HBS1L: variants seen among roughly 807,000 people sequenced by gnomAD.
The protein encoded by HBS1L is HBS1 like translational GTPase, also known as HBS1-like protein.
A neutral mutation model predicts 88.9 loss-of-function variants in HBS1L; 55 were observed. The observed-to-expected ratio is 0.62, with a 90% CI of 0.50 to 0.77. HBS1L has a LOEUF of 0.77. Among genes scored for constraint, HBS1L ranks in the 30% least tolerant of loss-of-function variants. HBS1L has a pLI of 0.00. For missense variants in HBS1L, 741 were observed against 829.3 expected (o/e 0.89, Z 1.31); for synonymous variants, 267 against 288.5 (o/e 0.93, Z 0.76).
chr6:135,041,397 T>C (rs984588997), intron 3 of HBS1L, among the ~76,000 whole-genome samples: 3 of 151,468 alleles, frequency 2.0e-5, no homozygotes, highest in African/African-American at 4.8e-5. Flanking sequence ...TATTTATTTA[T>C]ACTTATAAAA....
At chr6:135,052,791 C>T (rs1210736084) in intron 1 of HBS1L, among the ~76,000 whole-genome samples, 1 of 152,040 alleles carries the variant, frequency 6.6e-6, no homozygotes, top group African/African-American at 2.4e-5. Flanking sequence ...ATTTTGCCTT[C>T]CTGAGACTTT....
intron 4 of HBS1L, chr6:135,037,053 C>A: frequency 6.4e-7 from 1 of 1,551,740 alleles, no homozygotes; most frequent in Non-Finnish European, 8.7e-7. Context: ...CTTTCTTAAT[C>A]TGAGAGTTGT....
intron 15 of HBS1L, 55 bp downstream of exon 15, chr6:134,978,624 A>C (rs1329918249): frequency 1.0e-6 from 1 of 971,024 alleles, no homozygotes; most frequent in African/African-American, 1.6e-5. Flanking sequence ...CACTTTTAGG[A>C]TAAAGTTACT....
intron 2 of HBS1L, among the ~76,000 whole-genome samples, chr6:135,047,837 T>C (rs1045005673): frequency 1.3e-5 from 2 of 152,242 alleles, no homozygotes; most frequent in African/African-American, 4.8e-5. Context: ...AGACATCACT[T>C]TGTCACCTCT....
rs778867731 is a variant in HBS1L at position 134,965,267 on chromosome 6, A to T, written c.*12T>A. 97 of 1,574,028 alleles carry T rather than the reference A, an allele frequency of 6.2e-5. No individual in the cohort carries two copies. The highest frequency in any genetic ancestry group is 8.0e-5 in the Non-Finnish European group (92 of 1,147,968). On this transcript the variant is annotated 3_prime_UTR_variant, in exon 18 of 18. Coordinates refer to ENST00000367837, the MANE Select transcript of HBS1L (RefSeq NM_006620.4). The stretch of plus-strand genomic sequence containing the variant: ...TCACTGTATCCAGAAACGTGGTAGA[A>T]ATTCTGACCCATCATTCTTTTATCT...
chr6:135,001,000 T>G (rs1775438800), intron 5 of HBS1L, among the ~76,000 whole-genome samples: 1 of 152,214 alleles, frequency 6.6e-6, no homozygotes, highest in Non-Finnish European at 1.5e-5. Context: ...TGAGCACTAT[T>G]AAGCATTTCT....
chr6:135,040,892 A>G (rs1266611322), intron 3 of HBS1L, among the ~76,000 whole-genome samples: 1 of 152,132 alleles, frequency 6.6e-6, no homozygotes, highest in Non-Finnish European at 1.5e-5. Flanking sequence ...ATAGCACTTG[A>G]CAATTTTCAC....
chr6:134,997,699 A>G (rs368373751), intron 5 of HBS1L, 43 bp from the exon 6 acceptor site: 55 of 1,568,546 alleles, frequency 3.5e-5, no homozygotes, highest in African/African-American at 1.2e-4. Context: ...AACCAACTCT[A>G]TTGATGTCCT....
intron 12 of HBS1L, among the ~76,000 whole-genome samples, chr6:134,984,682 CT>C (rs1774929910): frequency 6.6e-6 from 1 of 151,936 alleles, no homozygotes; most frequent in South Asian, 2.1e-4. Context: ...ACTTTATAGT[CT>C]TCTATATAGG....
chr6:135,042,722 G>T (rs551612850), intron 2 of HBS1L, among the ~76,000 whole-genome samples: 1 of 151,638 alleles, frequency 6.6e-6, no homozygotes, highest in South Asian at 2.1e-4. Flanking sequence ...GGCAGGCAGG[G>T]GAACCGTTTG....
Position 134,965,177 on chromosome 6 carries a change from A to C in HBS1L, c.*102T>G, listed in dbSNP as rs1183312913. On this transcript the variant is annotated 3_prime_UTR_variant, in exon 18 of 18. Coordinates refer to ENST00000367837, the MANE Select transcript of HBS1L (RefSeq NM_006620.4). ...TTTAATTTTTCTCTCTCATCTAAAA[A>C]CATATCAATTGCACATTGTTCCTTT... The C allele has an allele frequency of 9.4e-6, 9 of 958,158 alleles. No individual in the cohort carries two copies. The highest frequency in any genetic ancestry group is 1.5e-5 in the Non-Finnish European group (9 of 594,564). 59.4% of individuals were successfully genotyped at this position (958,158 alleles called of 1,614,324 possible).
rs33946758 is a variant in HBS1L, at chr6:135,000,222, A to ATTTTTTTTTTTTT, written c.539+2499_539+2511dup. 2.8e-3 allele frequency among the ~76,000 whole-genome samples: 363 copies of ATTTTTTTTTTTTT among 129,364 alleles called. 16 individuals are homozygous for ATTTTTTTTTTTTT. Among genetic ancestry groups the ATTTTTTTTTTTTT allele is most frequent in the African/African-American group, 0.011 (326 of 28,876 alleles). The allele number at this position is 129,364 out of a possible 152,430, so 84.9% of individuals were successfully genotyped here. A position where few individuals can be genotyped will look rare whatever the true frequency, so the allele number is the denominator to read the frequency against. ...AGGCAAGCACCACTATACCCAGCTA[A>ATTTTTTTTTTTTT]TTTTTTTTTTTTTTTGGTAGAGATG... On this transcript the variant is annotated intron_variant, in intron 5 of 17. Transcript: ENST00000367837.
At chr6:134,978,928 A>G in intron 14 of HBS1L, 141 bp from the exon 15 acceptor site, 1 of 631,158 alleles carries the variant, frequency 1.6e-6, no homozygotes, top group Non-Finnish European at 2.8e-6. Context: ...TCTGAGCTAA[A>G]GCATGACTTT....
chr6:135,007,599 A>T (rs1379176625), intron 4 of HBS1L, among the ~76,000 whole-genome samples: 2 of 152,210 alleles, frequency 1.3e-5, no homozygotes, highest in Non-Finnish European at 2.9e-5. Flanking sequence ...TACTGAATAC[A>T]TTACAAATTC....
Position 134,965,261 on chromosome 6 carries a change from G to T in HBS1L, c.*18C>A. 1 of 1,569,448 alleles carries T rather than the reference G, an allele frequency of 6.4e-7. No homozygotes were observed. The highest frequency in any genetic ancestry group is 8.7e-7 in the Non-Finnish European group (1 of 1,143,714). On this transcript the variant is annotated 3_prime_UTR_variant, in exon 18 of 18. Coordinates refer to ENST00000367837, the MANE Select transcript of HBS1L (RefSeq NM_006620.4). ...GCTATTTCACTGTATCCAGAAACGT[G>T]GTAGAAATTCTGACCCATCATTCTT...
intron 8 of HBS1L, among the ~76,000 whole-genome samples, chr6:134,991,005 A>G (rs571640020): frequency 6.6e-6 from 1 of 152,124 alleles, no homozygotes; most frequent in African/African-American, 2.4e-5. Context: ...AGTGCTTGCT[A>G]CACAGCCAGT....
At chr6:134,993,613 G>C (rs973917994) in intron 8 of HBS1L, 145 bp downstream of exon 8, 6 of 419,424 alleles carry the variant, frequency 1.4e-5, no homozygotes, top group Non-Finnish European at 2.1e-5. Flanking sequence ...ATACAATATT[G>C]CTCTTTTTGT....
At chr6:135,042,956 A>C (rs575844697) in intron 2 of HBS1L, among the ~76,000 whole-genome samples, 100 of 152,326 alleles carry the variant, frequency 6.6e-4, no homozygotes, top group African/African-American at 1.9e-3. Context: ...TTATACACTG[A>C]CACTGTAAAC....
At position 134,960,853 on chromosome 6, in the gene HBS1L, C is replaced by G. The variant is rs191291173; in HGVS notation, c.*4426G>C. 1 of 152,088 alleles carries G rather than the reference C, an allele frequency of 6.6e-6. No individual in the cohort carries two copies. Among genetic ancestry groups the G allele is most frequent in the African/African-American group, 2.4e-5 (1 of 41,416 alleles). The allele number at this position is 152,088 out of a possible 1,614,324, so 9.4% of individuals were successfully genotyped here. A position where few individuals can be genotyped will look rare whatever the true frequency, so the allele number is the denominator to read the frequency against. On this transcript the variant is annotated 3_prime_UTR_variant, in exon 18 of 18. Transcript: ENST00000367837. ...TGCTTGGCACATGGTATACACCCAACGGATCAGTTATTTTTGTCTCCCCAG... is the reference window on the plus strand; with the variant it reads ...TGCTTGGCACATGGTATACACCCAAGGGATCAGTTATTTTTGTCTCCCCAG...
Sources: allele counts gnomAD v4.1 joint callset (sites outside exome capture counted in the v4.1 genomes callset), GRCh38; gene constraint gnomAD v4.1.1; transcripts MANE v1.5; gene names NCBI Gene and HGNC (gene_info 2026-07-23, HGNC 2026-07-21).